Variants in TUSC7 observed in about 807,000 individuals in gnomAD.
TUSC7 encodes tumor suppressor candidate 7, also known as LSAMP antisense RNA 3.
chr3:116,715,733 G>A (rs1484634199), intron 1 of TUSC7, among the ~76,000 whole-genome samples: 1 of 152,008 alleles, frequency 6.6e-6, no homozygotes, highest in Non-Finnish European at 1.5e-5. Flanking sequence ...TTTATCAGAT[G>A]TATCTTTTGC....
chr3:116,711,585 C>G (rs529906085), intron 1 of TUSC7, among the ~76,000 whole-genome samples: 133 of 152,150 alleles, frequency 8.7e-4, no homozygotes, highest in African/African-American at 2.9e-3. Context: ...TAATTCAATC[C>G]TCAGACTATT....
intron 1 of TUSC7, chr3:116,716,165 C>T (rs2051505216): frequency 6.6e-6 from 1 of 152,176 alleles, no homozygotes; most frequent in Admixed American, 6.5e-5. Flanking sequence ...CTTATATTAA[C>T]ATTTGCTTGT....
Position 116,713,467 on chromosome 3 carries a change from C to T in TUSC7, n.98+3591C>T, listed in dbSNP as rs2051478943. Among the ~76,000 whole-genome samples the T allele has an allele frequency of 2.0e-5, 3 of 152,140 alleles. No homozygotes were observed. The South Asian group carries it at 6.2e-4, about 32-fold the overall frequency. ...TCTTAAGATATGGAGCTCAAGTCTG[C>T]TAAGAGATGTCACTTGTGTTTTGTT... is the stretch of plus-strand genomic sequence containing the variant. On this transcript the variant is annotated intron_variant and non_coding_transcript_variant, in intron 1 of 2. Transcript: ENST00000477805.
At chr3:116,716,109 T>A (rs2051503907) in intron 1 of TUSC7, 1 of 152,056 alleles carries the variant, frequency 6.6e-6, no homozygotes, top group Admixed American at 6.6e-5. Context: ...TTATATAGAG[T>A]TTCTATACTT....
chr3:116,710,151 C>A (rs1187767809), intron 1 of TUSC7: 1 of 152,124 alleles, frequency 6.6e-6, no homozygotes, highest in Admixed American at 6.6e-5. Context: ...CCCAAGATTT[C>A]AGTGGTATTG....
chr3:116,714,465 G>T (rs1298615586), intron 1 of TUSC7, among the ~76,000 whole-genome samples: 1 of 152,146 alleles, frequency 6.6e-6, no homozygotes, highest in Non-Finnish European at 1.5e-5. Context: ...ACATTAATGT[G>T]TATATAAATC....
chr3:116,714,518 A>T (rs892942207), intron 1 of TUSC7, among the ~76,000 whole-genome samples: 40 of 152,154 alleles, frequency 2.6e-4, no homozygotes, highest in Non-Finnish European at 5.0e-4. Context: ...ACTAAACCTG[A>T]GGTAGAGCCT....
chr3:116,716,032 A>T (rs2051502507), intron 1 of TUSC7, among the ~76,000 whole-genome samples: 1 of 152,234 alleles, frequency 6.6e-6, no homozygotes. Context: ...CAGAAGGGGC[A>T]ATTTGCCATG....
intron 1 of TUSC7, chr3:116,710,457 G>A (rs1196712715): frequency 6.6e-6 from 1 of 152,118 alleles, no homozygotes; most frequent in Non-Finnish European, 1.5e-5. Context: ...ATATCAGGAG[G>A]AAGTGACCAG....
At chr3:116,711,781 C>T (rs768960663) in intron 1 of TUSC7, among the ~76,000 whole-genome samples, 2 of 152,180 alleles carry the variant, frequency 1.3e-5, no homozygotes, top group Non-Finnish European at 2.9e-5. Flanking sequence ...TATCTATATT[C>T]AGCTTCAGTC....
At chr3:116,716,619 G>A (rs2051510642) in intron 1 of TUSC7, 1 of 152,198 alleles carries the variant, frequency 6.6e-6, no homozygotes, top group Non-Finnish European at 1.5e-5. Context: ...ACAAGGATGA[G>A]CTAATCAAAA....
intron 1 of TUSC7, among the ~76,000 whole-genome samples, chr3:116,711,150 T>C (rs542355357): frequency 7.1e-4 from 108 of 152,276 alleles, no homozygotes; most frequent in Non-Finnish European, 1.4e-3. Flanking sequence ...ATCTAAGAAT[T>C]ACCATCAGTG....
At chr3:116,715,195 T>C (rs534558630) in intron 1 of TUSC7, among the ~76,000 whole-genome samples, 1 of 152,310 alleles carries the variant, frequency 6.6e-6, no homozygotes, top group South Asian at 2.1e-4. Flanking sequence ...ATAATATTCC[T>C]TTGTATGTAC....
intron 1 of TUSC7, chr3:116,710,026 T>C (rs1463583679): frequency 6.6e-6 from 1 of 152,168 alleles, no homozygotes. Flanking sequence ...AAAGTGAGGC[T>C]GTACCCACAG....
chr3:116,712,308 T>C (rs2051468445), intron 1 of TUSC7: 1 of 152,222 alleles, frequency 6.6e-6, no homozygotes. Flanking sequence ...CAATGAATTA[T>C]AGAATTACTT....
At chr3:116,711,727 T>C (rs770812522) in intron 1 of TUSC7, among the ~76,000 whole-genome samples, 16 of 152,084 alleles carry the variant, frequency 1.1e-4, no homozygotes, top group Non-Finnish European at 2.1e-4. Context: ...AAAGATAAAT[T>C]AGGGCTGTAA....
chr3:116,711,097 G>T (rs978001114), intron 1 of TUSC7, among the ~76,000 whole-genome samples: 5 of 152,162 alleles, frequency 3.3e-5, no homozygotes, highest in African/African-American at 1.2e-4. Flanking sequence ...TCAAGGGGAA[G>T]ATATGAATTT....
intron 1 of TUSC7, among the ~76,000 whole-genome samples, chr3:116,714,393 A>G (rs1051524898): frequency 6.6e-6 from 1 of 152,224 alleles, no homozygotes; most frequent in African/African-American, 2.4e-5. Context: ...GCTAGTCTGC[A>G]TCTTAGATTT....
At chr3:116,711,738 C>T (rs367827554) in intron 1 of TUSC7, among the ~76,000 whole-genome samples, 6 of 152,074 alleles carry the variant, frequency 3.9e-5, no homozygotes, top group Admixed American at 6.6e-5. Flanking sequence ...AGGGCTGTAA[C>T]GAAACTCAGT....
Sources: gnomAD v4.1 joint callset for allele counts (sites outside exome capture counted in the v4.1 genomes callset) on GRCh38, gnomAD v4.1.1 for gene constraint, MANE v1.5 for transcripts, NCBI Gene and HGNC (gene_info 2026-07-23, HGNC 2026-07-21) for gene names.